RNF212B: variants seen among roughly 807,000 people sequenced by gnomAD.
RNF212B encodes the protein ring finger protein 212B.
A neutral mutation model predicts 55.5 loss-of-function variants in RNF212B; 52 were observed. That is an observed-to-expected ratio of 0.94 (90% CI 0.75 to 1.18). The LOEUF is 1.18. RNF212B is among the 50% of genes most tolerant of loss of function. The pLI is 0.00. For missense variants in RNF212B, 289 were observed against 350.4 expected, an observed-to-expected ratio of 0.82 and a Z score of 1.40; for synonymous variants, 99 against 121.4, an observed-to-expected ratio of 0.82 and a Z score of 1.21.
intron 11 of RNF212B, among the ~76,000 whole-genome samples, chr14:23,268,389 T>C (rs1885842493): frequency 6.6e-6 from 1 of 152,226 alleles, no homozygotes; most frequent in South Asian, 2.1e-4. Flanking sequence ...CAAGTTAAAA[T>C]GCCACAAACC....
rs984873567 is a variant in RNF212B at position 23,273,468 on chromosome 14, A to G, written c.*577A>G. On this transcript the variant is annotated 3_prime_UTR_variant, in exon 15 of 15. Transcript: ENST00000430154. Reference sequence around the variant, plus strand: ...AGTAAAATAAAGACGATGCCCTTTTATTGCTACAATTCTATCACTTTTACA... The same window carrying G: ...AGTAAAATAAAGACGATGCCCTTTTGTTGCTACAATTCTATCACTTTTACA... 1 of 152,244 alleles carries G rather than the reference A, an allele frequency of 6.6e-6. No individual in the cohort carries two copies. The allele number at this position is 152,244 out of a possible 1,614,324, so 9.4% of individuals were successfully genotyped here.
At chr14:23,250,832 C>CA (rs1040260079) in intron 4 of RNF212B, among the ~76,000 whole-genome samples, 29 of 152,252 alleles carry the variant, frequency 1.9e-4, no homozygotes, top group African/African-American at 7.0e-4. Context: ...AAAGGTGGGA[C>CA]AGCTCAAAGT....
At chr14:23,210,503 C>A (rs188309925) in intron 2 of RNF212B, among the ~76,000 whole-genome samples, 2 of 151,986 alleles carry the variant, frequency 1.3e-5, no homozygotes, top group Non-Finnish European at 2.9e-5. Flanking sequence ...ATGGGGTGGG[C>A]GTGGTGGCTC....
chr14:23,227,848 C>T (rs1342175266), intron 2 of RNF212B, among the ~76,000 whole-genome samples: 1 of 152,142 alleles, frequency 6.6e-6, no homozygotes, highest in Non-Finnish European at 1.5e-5. Flanking sequence ...ATTCACCCAC[C>T]TCAGCCCCCC....
At chr14:23,201,305 A>T (rs1319058083) in intron 2 of RNF212B, among the ~76,000 whole-genome samples, 3 of 152,222 alleles carry the variant, frequency 2.0e-5, no homozygotes, top group African/African-American at 7.2e-5. Flanking sequence ...AAAACAAGGC[A>T]ACAATTGTCT....
intron 2 of RNF212B, among the ~76,000 whole-genome samples, chr14:23,217,860 G>T (rs1330276301): frequency 1.3e-5 from 2 of 151,822 alleles, no homozygotes; most frequent in African/African-American, 4.8e-5. Context: ...CACCATCCAG[G>T]GAGACATGAC....
intron 2 of RNF212B, among the ~76,000 whole-genome samples, chr14:23,209,216 C>CAGAG (rs1352666343): frequency 2.9e-5 from 4 of 138,504 alleles, no homozygotes; most frequent in Non-Finnish European, 5.9e-5. Context: ...TAAGGACGAC[C>CAGAG]AGAGGTCACT....
At chr14:23,226,814 T>TC (rs59279931) in intron 2 of RNF212B, among the ~76,000 whole-genome samples, 1,589 of 115,078 alleles carry the variant, frequency 0.014, 32 homozygotes, top group African/African-American at 0.064. Flanking sequence ...TTCTTCTTCT[T>TC]TTTTTTTTTT....
chr14:23,213,083 T>C (rs925595520), intron 2 of RNF212B, among the ~76,000 whole-genome samples: 4 of 151,760 alleles, frequency 2.6e-5, no homozygotes, highest in Non-Finnish European at 5.9e-5. Flanking sequence ...GAGGCCGAGG[T>C]GGGCATATCA....
At chr14:23,206,276 C>T (rs1468188280) in intron 2 of RNF212B, among the ~76,000 whole-genome samples, 7 of 152,112 alleles carry the variant, frequency 4.6e-5, no homozygotes, top group East Asian at 1.9e-4. Flanking sequence ...GGTTTCACCA[C>T]GTTGGCCAGG....
intron 5 of RNF212B, 177 bp from the exon 6 acceptor site, chr14:23,259,707 C>T (rs967292338): frequency 1.4e-5 from 6 of 418,338 alleles, no homozygotes; most frequent in Non-Finnish European, 2.2e-5. Context: ...TAATTGTTCT[C>T]ATTATCAAAA....
intron 4 of RNF212B, among the ~76,000 whole-genome samples, chr14:23,253,337 T>G (rs1884554788): frequency 6.6e-6 from 1 of 152,238 alleles, no homozygotes; most frequent in African/African-American, 2.4e-5. Context: ...CTCTTAAGTT[T>G]CTTTTACACT....
intron 4 of RNF212B, among the ~76,000 whole-genome samples, chr14:23,257,836 T>G (rs1325288991): frequency 6.6e-6 from 1 of 152,170 alleles, no homozygotes; most frequent in African/African-American, 2.4e-5. Context: ...AGCCTGCAGG[T>G]GACTCTGTAG....
At chr14:23,202,922 G>A (rs906015653) in intron 2 of RNF212B, among the ~76,000 whole-genome samples, 3 of 151,424 alleles carry the variant, frequency 2.0e-5, no homozygotes, top group African/African-American at 7.3e-5. Context: ...TTAGACCCAG[G>A]AGTTAAAGCC....
intron 2 of RNF212B, among the ~76,000 whole-genome samples, chr14:23,210,834 G>A (rs1174391831): frequency 6.7e-6 from 1 of 148,638 alleles, no homozygotes; most frequent in African/African-American, 2.5e-5. Context: ...ACTGAAACTG[G>A]GTGAAGGATA....
At chr14:23,224,566 G>A (rs978198731) in intron 2 of RNF212B, among the ~76,000 whole-genome samples, 3 of 147,406 alleles carry the variant, frequency 2.0e-5, no homozygotes, top group African/African-American at 4.9e-5. Flanking sequence ...AGAATGAAAC[G>A]AAACCCCTAG....
At chr14:23,208,958 T>G (rs12885446) in intron 2 of RNF212B, among the ~76,000 whole-genome samples, 67 of 150,506 alleles carry the variant, frequency 4.5e-4, no homozygotes, top group Admixed American at 4.4e-3. Flanking sequence ...CGGGGTTTCA[T>G]CGTGTTAGCC....
intron 7 of RNF212B, 122 bp downstream of exon 7, chr14:23,260,809 G>C: frequency 1.1e-6 from 1 of 884,554 alleles, no homozygotes; most frequent in East Asian, 2.7e-5. Context: ...TCACTTCTCC[G>C]AGGAAGAGTT....
intron 2 of RNF212B, among the ~76,000 whole-genome samples, chr14:23,201,128 T>C (rs1879250442): frequency 6.6e-6 from 1 of 152,220 alleles, no homozygotes. Context: ...GTCCATGCAG[T>C]TAATTCCTGT....
Sources: gnomAD v4.1 joint callset for allele counts (sites outside exome capture counted in the v4.1 genomes callset) on GRCh38, gnomAD v4.1.1 for gene constraint, MANE v1.5 for transcripts, NCBI Gene and HGNC (gene_info 2026-07-23, HGNC 2026-07-21) for gene names.